Variants in GRM7 observed in about 807,000 individuals in gnomAD.
The protein encoded by GRM7 is metabotropic glutamate receptor 7.
In GRM7, 35 loss-of-function variants were observed where a neutral mutation model predicts 84.5. The ratio of observed to expected loss-of-function variants is 0.41; its 90% CI spans 0.32 to 0.55. The LOEUF (loss-of-function observed/expected upper bound fraction) is 0.55. Ranked by LOEUF, GRM7 falls within the 20% of genes least tolerant of loss-of-function variation. The pLI is 0.19. For missense variants in GRM7, 1,003 were observed against 1,194.6 expected, an observed-to-expected ratio of 0.84 and a Z score of 2.36; for synonymous variants, 487 against 455.1, an observed-to-expected ratio of 1.07 and a Z score of -0.89.
At position 7,260,377 on chromosome 3, in the gene GRM7, C is replaced by T. The variant is rs150395984; in HGVS notation, c.737-38307C>T. On this transcript the variant is annotated intron_variant, in intron 2 of 9. Coordinates refer to ENST00000357716, the MANE Select transcript of GRM7 (RefSeq NM_000844.4). Reference sequence around the variant, plus strand: ...TCTTTGTCAGTTCCTATGTCCAGAACGGTATTGCCTAGGTTGCCTTCCAGG... The same window carrying T: ...TCTTTGTCAGTTCCTATGTCCAGAATGGTATTGCCTAGGTTGCCTTCCAGG... Among the ~76,000 whole-genome samples, 103 of 152,108 alleles carry T rather than the reference C, an allele frequency of 6.8e-4. 1 individual carries two copies. In the East Asian group the frequency reaches 0.014, roughly 20 times the overall value.
At chr3:7,686,418 A>G in intron 9 of GRM7, 1 of 1,544,368 alleles carries the variant, frequency 6.5e-7, no homozygotes, top group Admixed American at 1.7e-5. Context: ...CTATCCCACC[A>G]ACAGTATAGC....
At chr3:7,182,345 C>G (rs1440554760) in intron 2 of GRM7, among the ~76,000 whole-genome samples, 1 of 152,038 alleles carries the variant, frequency 6.6e-6, no homozygotes, top group Non-Finnish European at 1.5e-5. Context: ...CTGTAATTAG[C>G]TATTTTGAAT....
rs869047081 is a variant in GRM7, at chr3:7,292,726, T to TAA, written c.737-5948_737-5947dup. Reference sequence around the variant, plus strand: ...TTACATATATTATTTCTTTTTTTTTTAAAAAAAAAAACAAACCATTGAGGC... The same window carrying TAA: ...TTACATATATTATTTCTTTTTTTTTTAAAAAAAAAAAAACAAACCATTGAGGC... On this transcript the variant is annotated intron_variant, in intron 2 of 9. Transcript: ENST00000357716. 9.0e-4 allele frequency among the ~76,000 whole-genome samples: 127 copies of TAA among 140,862 alleles called. 2 individuals are homozygous for TAA. In the East Asian group the frequency reaches 0.021, roughly 23 times the overall value. The allele number at this position is 140,862 out of a possible 152,430, so 92.4% of individuals were successfully genotyped here.
At chr3:7,296,036 A>G (rs1290454608) in intron 2 of GRM7, among the ~76,000 whole-genome samples, 2 of 152,036 alleles carry the variant, frequency 1.3e-5, no homozygotes, top group African/African-American at 2.4e-5. Flanking sequence ...TTATTAGGCT[A>G]AGGAAATTCT....
intron 7 of GRM7, among the ~76,000 whole-genome samples, chr3:7,550,552 TC>T (rs1693405877): frequency 1.3e-5 from 1 of 74,192 alleles, no homozygotes; most frequent in African/African-American, 1.1e-4. Flanking sequence ...TTTTCTTCTC[TC>T]TCTCTCTCTC....
chr3:7,056,579 G>A (rs1697230873), intron 1 of GRM7, among the ~76,000 whole-genome samples: 1 of 151,982 alleles, frequency 6.6e-6, no homozygotes, highest in African/African-American at 2.4e-5. Flanking sequence ...ATACACAGTT[G>A]TGCAAGTGAG....
chr3:7,676,417 GATT>G (rs1335814225), intron 8 of GRM7, among the ~76,000 whole-genome samples: 2 of 152,052 alleles, frequency 1.3e-5, no homozygotes, highest in African/African-American at 4.8e-5. Flanking sequence ...TTGATAAACA[GATT>G]ATATTTTTAT....
At chr3:7,411,536 A>G (rs1199255945) in intron 4 of GRM7, among the ~76,000 whole-genome samples, 1 of 152,162 alleles carries the variant, frequency 6.6e-6, no homozygotes, top group African/African-American at 2.4e-5. Flanking sequence ...TTTTCTTTGT[A>G]GTTGAACCAC....
At chr3:7,502,047 A>C (rs925768479) in intron 7 of GRM7, among the ~76,000 whole-genome samples, 3 of 152,192 alleles carry the variant, frequency 2.0e-5, no homozygotes, top group African/African-American at 7.2e-5. Flanking sequence ...CTGGACTGAA[A>C]TTCTGGCCCT....
Position 7,578,878 on chromosome 3 carries a change from C to T in GRM7, c.1972C>T (p.Arg658Trp), listed in dbSNP as rs1114167300. The change falls in exon 8 of 10, where the codon CGG becomes TGG. Residue 658 changes from arginine (R) to tryptophan (W), a missense_variant. By Grantham distance (101) the Arg-to-Trp change is moderately radical. Coordinates refer to ENST00000357716, the MANE Select transcript of GRM7 (RefSeq NM_000844.4). Reference protein sequence around the residue: ...AKPDVAVCSFRRVFLGLGMCI... With the variant: ...AKPDVAVCSFWRVFLGLGMCI... ...ACCAGATGTGGCAGTGTGTTCTTTC[C>T]GGCGAGTTTTCTTGGGCTTGGGTAT... 2 of 1,613,964 alleles carry T rather than the reference C, an allele frequency of 1.2e-6. No individual in the cohort carries two copies. Among genetic ancestry groups the T allele is most frequent in the East Asian group, 2.2e-5 (1 of 44,900 alleles).
chr3:6,893,900 G>T (rs527786951), intron 1 of GRM7: 2 of 151,990 alleles, frequency 1.3e-5, no homozygotes, highest in Non-Finnish European at 1.5e-5. Context: ...GTTTTTCTTC[G>T]GATGACATGA....
intron 8 of GRM7, among the ~76,000 whole-genome samples, chr3:7,677,428 G>C (rs1472337628): frequency 1.3e-5 from 2 of 152,094 alleles, no homozygotes; most frequent in Non-Finnish European, 2.9e-5. Flanking sequence ...TACCGAAGCT[G>C]AGGAGAAGTA....
intron 1 of GRM7, among the ~76,000 whole-genome samples, chr3:7,000,698 G>A (rs1021687160): frequency 2.0e-5 from 3 of 152,148 alleles, no homozygotes; most frequent in African/African-American, 7.2e-5. Flanking sequence ...ACTGACTGAT[G>A]CACTTTGGCA....
chr3:7,101,909 A>C (rs1382772949), intron 1 of GRM7, among the ~76,000 whole-genome samples: 1 of 150,970 alleles, frequency 6.6e-6, no homozygotes, highest in Non-Finnish European at 1.5e-5. Context: ...ATCACAGTTC[A>C]TTCATAAATG....
At chr3:7,734,091 A>G (rs1202171167) in intron 9 of GRM7, among the ~76,000 whole-genome samples, 1 of 152,076 alleles carries the variant, frequency 6.6e-6, no homozygotes, top group African/African-American at 2.4e-5. Flanking sequence ...CACTTCACAC[A>G]TTTTCTCTAA....
chr3:7,142,598 G>A (rs1034911289), intron 1 of GRM7, among the ~76,000 whole-genome samples: 8 of 152,088 alleles, frequency 5.3e-5, no homozygotes, highest in Non-Finnish European at 8.8e-5. Context: ...TGGAAATTAC[G>A]GGGATTATGT....
chr3:7,189,477 G>T (rs1247491493), intron 2 of GRM7, among the ~76,000 whole-genome samples: 1 of 152,122 alleles, frequency 6.6e-6, no homozygotes, highest in East Asian at 1.9e-4. Context: ...TCATTGCCTG[G>T]CATATAGCAA....
At chr3:7,231,447 C>T (rs1354724438) in intron 2 of GRM7, among the ~76,000 whole-genome samples, 1 of 151,954 alleles carries the variant, frequency 6.6e-6, no homozygotes, top group South Asian at 2.1e-4. Flanking sequence ...AAATTTGGAG[C>T]ATATATATAT....
intron 8 of GRM7, among the ~76,000 whole-genome samples, chr3:7,633,631 T>C (rs1052323832): frequency 2.6e-5 from 4 of 152,156 alleles, no homozygotes; most frequent in Admixed American, 1.3e-4. Context: ...CCACTACTCC[T>C]GCAGCTTCTA....
Sources: allele counts gnomAD v4.1 joint callset (sites outside exome capture counted in the v4.1 genomes callset), GRCh38; gene constraint gnomAD v4.1.1; transcripts MANE v1.5; gene names NCBI Gene and HGNC (gene_info 2026-07-23, HGNC 2026-07-21).